Variants in IGF1R observed in about 807,000 individuals in gnomAD.
IGF1R encodes the protein insulin-like growth factor 1 receptor.
In IGF1R, 44 loss-of-function variants were observed where a neutral mutation model predicts 144.6. The ratio of observed to expected loss-of-function variants is 0.30; its 90% CI spans 0.24 to 0.39. The LOEUF (loss-of-function observed/expected upper bound fraction) is 0.39. Ranked by LOEUF, IGF1R falls within the 10% of genes least tolerant of loss-of-function variation. IGF1R has a pLI of 1.00. For synonymous variants in IGF1R, 795 were observed against 722.8 expected, an observed-to-expected ratio of 1.10 and a Z score of -1.60; for missense variants, 1,355 against 1,833.7, an observed-to-expected ratio of 0.74 and a Z score of 4.77.
At chr15:98,870,781 G>T (rs1383723819) in intron 2 of IGF1R, among the ~76,000 whole-genome samples, 11 of 152,154 alleles carry the variant, frequency 7.2e-5, no homozygotes, top group African/African-American at 2.7e-4. Context: ...CTTGATACAG[G>T]GTCAGAGAGG....
At chr15:98,778,444 G>A (rs1411291582) in intron 2 of IGF1R, among the ~76,000 whole-genome samples, 1 of 152,196 alleles carries the variant, frequency 6.6e-6, no homozygotes, top group Non-Finnish European at 1.5e-5. Flanking sequence ...CTTCACAGAT[G>A]AGAAGACTGA....
At chr15:98,688,413 CCTGTGTGT>C (rs1410879426) in intron 1 of IGF1R, among the ~76,000 whole-genome samples, 1 of 105,766 alleles carries the variant, frequency 9.5e-6, no homozygotes, top group East Asian at 2.6e-4. Context: ...ACAACACACA[CCTGTGTGT>C]GTGTGTGTGT....
In IGF1R at chr15:98,964,411, G is replaced by A. The variant is rs760626446; in HGVS notation, c.*6969G>A. ...ATATACTCTGGATTCTTTACATAATGGAAAAAAGAAACTGTCTATTTTGAA... is the reference window on the plus strand; with the variant it reads ...ATATACTCTGGATTCTTTACATAATAGAAAAAAGAAACTGTCTATTTTGAA... On this transcript the variant is annotated 3_prime_UTR_variant, in exon 21 of 21. Transcript: ENST00000650285. The A allele has an allele frequency of 1.4e-4, 31 of 229,442 alleles. No individual in the cohort carries two copies. The highest frequency in any genetic ancestry group is 2.5e-4 in the Non-Finnish European group (29 of 115,564). 14.2% of individuals were successfully genotyped at this position (229,442 alleles called of 1,614,324 possible).
intron 7 of IGF1R, among the ~76,000 whole-genome samples, chr15:98,911,644 A>T (rs908202947): frequency 5.3e-5 from 8 of 152,160 alleles, no homozygotes; most frequent in Non-Finnish European, 1.2e-4. Context: ...GACAGCCATG[A>T]TTGGGAAAGT....
intron 2 of IGF1R, among the ~76,000 whole-genome samples, chr15:98,714,091 C>T (rs539819820): frequency 2.6e-5 from 4 of 152,072 alleles, no homozygotes; most frequent in Non-Finnish European, 5.9e-5. Flanking sequence ...CAGTAAATGG[C>T]TGTTTTTATT....
rs141245040 is a variant in IGF1R, at chr15:98,659,208, A to G, written c.94+9533A>G. 2.7e-3 allele frequency among the ~76,000 whole-genome samples: 413 copies of G among 152,354 alleles called. 1 individual carries two copies. Among genetic ancestry groups the G allele is most frequent in the South Asian group, 5.0e-3 (24 of 4,832 alleles). On this transcript the variant is annotated intron_variant, in intron 1 of 20. Transcript: ENST00000650285. ...TTATTTTGCTAAGGTGTTTATTAAC[A>G]AGATGGCATGTTGCTTATTAAACAG... is the stretch of plus-strand genomic sequence containing the variant.
intron 2 of IGF1R, among the ~76,000 whole-genome samples, chr15:98,736,082 A>G (rs1206431866): frequency 6.6e-6 from 1 of 152,200 alleles, no homozygotes; most frequent in Non-Finnish European, 1.5e-5. Flanking sequence ...CATTTTTATT[A>G]AAAAGAAAAA....
intron 2 of IGF1R, among the ~76,000 whole-genome samples, chr15:98,830,470 T>G (rs74034243): frequency 0.011 from 1,743 of 152,302 alleles, 37 homozygotes; most frequent in African/African-American, 0.04. Context: ...TCTTGAAATC[T>G]GTCATCAGTG....
intron 2 of IGF1R, among the ~76,000 whole-genome samples, chr15:98,820,211 A>G (rs2056776116): frequency 6.6e-6 from 1 of 151,970 alleles, no homozygotes; most frequent in Admixed American, 6.5e-5. Context: ...TCATATATAT[A>G]TATATATATA....
chr15:98,874,513 G>A (rs1188587089), intron 2 of IGF1R, among the ~76,000 whole-genome samples: 1 of 152,202 alleles, frequency 6.6e-6, no homozygotes, highest in Non-Finnish European at 1.5e-5. Flanking sequence ...GATCTTTTCG[G>A]TGAAGTAGGG....
chr15:98,917,280 T>G (rs1366456926), intron 10 of IGF1R, among the ~76,000 whole-genome samples: 9 of 152,176 alleles, frequency 5.9e-5, no homozygotes, highest in Admixed American at 5.9e-4. Flanking sequence ...TCTCTCAGCC[T>G]CACAGAGGAG....
At chr15:98,908,512 C>T (rs1009512377) in intron 5 of IGF1R, among the ~76,000 whole-genome samples, 173 bp from the exon 6 acceptor site, 1 of 152,130 alleles carries the variant, frequency 6.6e-6, no homozygotes, top group African/African-American at 2.4e-5. Flanking sequence ...ATGTTGCTGC[C>T]ATTGTTAACA....
rs189586249 is a variant in IGF1R, at chr15:98,932,688, C to G, written c.2957-2136C>G. On this transcript the variant is annotated intron_variant, in intron 15 of 20. Coordinates refer to ENST00000650285, the MANE Select transcript of IGF1R (RefSeq NM_000875.5). ...AGGCGCATTGTGAAGAGCCTTATCTCCTGGGTTGTCTTGCATACTTACTCT... is the reference window on the plus strand; with the variant it reads ...AGGCGCATTGTGAAGAGCCTTATCTGCTGGGTTGTCTTGCATACTTACTCT... 1.9e-4 allele frequency among the ~76,000 whole-genome samples: 29 copies of G among 152,318 alleles called. No individual in the cohort carries two copies. The South Asian group carries it at 2.7e-3, about 14-fold the overall frequency.
At chr15:98,736,598 A>ATTTTCTT (rs1018774193) in intron 2 of IGF1R, among the ~76,000 whole-genome samples, 1 of 137,928 alleles carries the variant, frequency 7.3e-6, no homozygotes, top group Non-Finnish European at 1.6e-5. Flanking sequence ...TAGTGGGAAT[A>ATTTTCTT]TTTTCTTTTT....
chr15:98,650,489 G>A (rs2052332878), intron 1 of IGF1R, among the ~76,000 whole-genome samples: 1 of 152,250 alleles, frequency 6.6e-6, no homozygotes, highest in African/African-American at 2.4e-5. Flanking sequence ...GAGGGCTCTG[G>A]GATGGTCTCC....
chr15:98,938,378 A>G (rs2016237795), intron 17 of IGF1R, among the ~76,000 whole-genome samples: 1 of 152,276 alleles, frequency 6.6e-6, no homozygotes, highest in Non-Finnish European at 1.5e-5. Context: ...AAAAGGTAAC[A>G]TTAAAATTAG....
intron 2 of IGF1R, among the ~76,000 whole-genome samples, chr15:98,867,362 ATATAT>A (rs1311951196): frequency 1.3e-5 from 2 of 152,250 alleles, no homozygotes; most frequent in African/African-American, 4.8e-5. Flanking sequence ...ATTTTAAGTT[ATATAT>A]TAATATGAGT....
chr15:98,869,095 T>A (rs1485731121), intron 2 of IGF1R, among the ~76,000 whole-genome samples: 1 of 152,228 alleles, frequency 6.6e-6, no homozygotes, highest in Non-Finnish European at 1.5e-5. Flanking sequence ...TATCCTTTTT[T>A]TCTCTTTTTC....
intron 2 of IGF1R, among the ~76,000 whole-genome samples, chr15:98,776,640 A>G (rs1266062152): frequency 6.6e-6 from 1 of 152,112 alleles, no homozygotes; most frequent in Non-Finnish European, 1.5e-5. Flanking sequence ...GTGCATGTGA[A>G]GTTCCCCTAC....
Sources: gnomAD v4.1 joint callset for allele counts (sites outside exome capture counted in the v4.1 genomes callset) on GRCh38, gnomAD v4.1.1 for gene constraint, MANE v1.5 for transcripts, NCBI Gene and HGNC (gene_info 2026-07-23, HGNC 2026-07-21) for gene names.